LSAMP: variants seen among roughly 807,000 people sequenced by gnomAD.
LSAMP encodes limbic system associated membrane protein, also known as limbic system-associated membrane protein.
Under a neutral mutation model 38.6 loss-of-function variants are expected in LSAMP, and 7 were observed. The observed-to-expected ratio is 0.18, with a 90% CI of 0.10 to 0.34. The LOEUF (loss-of-function observed/expected upper bound fraction) is 0.34, where lower values mean the gene tolerates loss of function less well. Among genes scored for constraint, LSAMP ranks in the 10% least tolerant of loss-of-function variants. The pLI is 1.00. For synonymous variants in LSAMP, 154 were observed against 166.8 expected (o/e 0.92, Z 0.59); for missense variants, 313 against 420.0 (o/e 0.75, Z 2.23).
chr3:115,920,172 C>A (rs982924930), intron 3 of LSAMP, among the ~76,000 whole-genome samples: 8 of 152,122 alleles, frequency 5.3e-5, no homozygotes, highest in African/African-American at 1.9e-4. Context: ...CTTAAAGATC[C>A]TGATTTCAAT....
At chr3:115,899,436 C>A (rs1936814242) in intron 3 of LSAMP, among the ~76,000 whole-genome samples, 1 of 152,068 alleles carries the variant, frequency 6.6e-6, no homozygotes, top group Non-Finnish European at 1.5e-5. Flanking sequence ...CTATAAATCA[C>A]CAAGTCTACT....
intron 1 of LSAMP, among the ~76,000 whole-genome samples, chr3:116,437,192 A>T (rs898882923): frequency 1.3e-5 from 2 of 151,966 alleles, no homozygotes; most frequent in African/African-American, 4.8e-5. Context: ...GTTCTCACTG[A>T]TATGTGGGAG....
intron 1 of LSAMP, among the ~76,000 whole-genome samples, chr3:116,220,802 C>A (rs574075480): frequency 1.3e-3 from 204 of 152,218 alleles, no homozygotes; most frequent in African/African-American, 4.6e-3. Flanking sequence ...ATTCTGTAGT[C>A]AAAAGAACAT....
At chr3:116,330,571 T>A (rs969932850) in intron 1 of LSAMP, among the ~76,000 whole-genome samples, 3 of 152,040 alleles carry the variant, frequency 2.0e-5, no homozygotes, top group African/African-American at 7.2e-5. Flanking sequence ...ACCTTTTTAT[T>A]TTTCTTTTTT....
intron 1 of LSAMP, among the ~76,000 whole-genome samples, chr3:116,295,241 A>G (rs1461619082): frequency 6.6e-6 from 1 of 152,194 alleles, no homozygotes; most frequent in Non-Finnish European, 1.5e-5. Flanking sequence ...AATTCTGAAT[A>G]AAAGTAAGGA....
At chr3:116,276,744 C>T (rs924211309) in intron 1 of LSAMP, among the ~76,000 whole-genome samples, 4 of 150,682 alleles carry the variant, frequency 2.7e-5, no homozygotes, top group African/African-American at 9.7e-5. Context: ...AGATTGAAGT[C>T]TGCAAAGAAA....
intron 2 of LSAMP, among the ~76,000 whole-genome samples, chr3:116,033,097 A>G (rs1404442609): frequency 1.3e-5 from 2 of 152,194 alleles, no homozygotes; most frequent in African/African-American, 4.8e-5. Context: ...TGGTGATAAT[A>G]TTCATATGTG....
At chr3:116,325,462 T>C (rs1045981437) in intron 1 of LSAMP, among the ~76,000 whole-genome samples, 2 of 152,146 alleles carry the variant, frequency 1.3e-5, no homozygotes, top group African/African-American at 2.4e-5. Flanking sequence ...CAGTCACATA[T>C]TTGTCTTAAA....
intron 1 of LSAMP, among the ~76,000 whole-genome samples, chr3:116,398,902 C>T (rs978331461): frequency 1.3e-5 from 2 of 152,140 alleles, no homozygotes; most frequent in Non-Finnish European, 2.9e-5. Flanking sequence ...AAAGGATTAC[C>T]TAACCAAGAG....
intron 1 of LSAMP, among the ~76,000 whole-genome samples, chr3:116,351,077 C>G (rs747768841): frequency 1.5e-4 from 23 of 151,664 alleles, no homozygotes; most frequent in Non-Finnish European, 2.5e-4. Context: ...GTAAAGAAAC[C>G]TCTTTTTTTT....
intron 3 of LSAMP, among the ~76,000 whole-genome samples, chr3:115,972,879 A>G (rs1390186194): frequency 1.3e-5 from 2 of 148,906 alleles, no homozygotes; most frequent in African/African-American, 4.9e-5. Context: ...ATTTTTATAT[A>G]TTATATATTA....
At chr3:116,366,537 T>C (rs1263419022) in intron 1 of LSAMP, among the ~76,000 whole-genome samples, 2 of 152,110 alleles carry the variant, frequency 1.3e-5, no homozygotes, top group Non-Finnish European at 2.9e-5. Flanking sequence ...TCCCCATAGA[T>C]ATATTTACAT....
chr3:115,956,417 C>T (rs942321467), intron 3 of LSAMP, among the ~76,000 whole-genome samples: 1 of 151,916 alleles, frequency 6.6e-6, no homozygotes, highest in African/African-American at 2.4e-5. Flanking sequence ...AGGAGAAAAA[C>T]TCTGACATGG....
chr3:116,213,931 T>C (rs955807144), intron 1 of LSAMP, among the ~76,000 whole-genome samples: 2 of 152,180 alleles, frequency 1.3e-5, no homozygotes, highest in African/African-American at 4.8e-5. Context: ...TACTAACCAA[T>C]GGGCATAAAG....
rs143407350 is a variant in LSAMP at position 115,990,105 on chromosome 3, C to A, written c.514+29410G>T. Reference sequence around the variant, plus strand: ...AAGATCAGGAGAATCTAGTTCTTAACCAGCCTCCACACACAGCTGACTGTG... The same window carrying A: ...AAGATCAGGAGAATCTAGTTCTTAAACAGCCTCCACACACAGCTGACTGTG... On this transcript the variant is annotated intron_variant, in intron 3 of 6. Coordinates refer to ENST00000490035, the MANE Select transcript of LSAMP (RefSeq NM_002338.5). 2.0e-3 allele frequency among the ~76,000 whole-genome samples: 301 copies of A among 152,146 alleles called. 1 individual carries two copies. The highest frequency in any genetic ancestry group is 7.0e-3 in the African/African-American group (292 of 41,546).
At chr3:116,078,844 A>G (rs978923436) in intron 2 of LSAMP, among the ~76,000 whole-genome samples, 6 of 152,030 alleles carry the variant, frequency 3.9e-5, no homozygotes, top group African/African-American at 1.5e-4. Flanking sequence ...TCCTTGCCCC[A>G]GTCCTGGTAC....
intron 1 of LSAMP, among the ~76,000 whole-genome samples, chr3:116,113,705 G>A (rs763139050): frequency 1.6e-4 from 25 of 152,010 alleles, no homozygotes; most frequent in Non-Finnish European, 2.9e-4. Context: ...GATTACAGGC[G>A]TGAGCCACCG....
intron 1 of LSAMP, among the ~76,000 whole-genome samples, chr3:116,395,071 C>T (rs2048751117): frequency 1.3e-5 from 2 of 152,068 alleles, no homozygotes; most frequent in Non-Finnish European, 2.9e-5. Context: ...TTTTTCATTT[C>T]TTCTATCATT....
At chr3:115,835,206 TCCC>T (rs1934744328) in intron 6 of LSAMP, among the ~76,000 whole-genome samples, 1 of 152,152 alleles carries the variant, frequency 6.6e-6, no homozygotes, top group African/African-American at 2.4e-5. Flanking sequence ...ATTCCTTAAT[TCCC>T]CCTCTTTTTA....
Sources: allele counts gnomAD v4.1 joint callset (sites outside exome capture counted in the v4.1 genomes callset), GRCh38; gene constraint gnomAD v4.1.1; transcripts MANE v1.5; gene names NCBI Gene and HGNC (gene_info 2026-07-23, HGNC 2026-07-21).